FAM13B: variants seen among roughly 807,000 people sequenced by gnomAD.
FAM13B encodes the protein family with sequence similarity 13 member B, also known as protein FAM13B.
A neutral mutation model predicts 117.3 loss-of-function variants in FAM13B; 60 were observed. That is an observed-to-expected ratio of 0.51 (90% CI 0.42 to 0.63). The LOEUF is 0.63. FAM13B is among the 30% of genes least tolerant of loss of function. The pLI is 0.00. For synonymous variants in FAM13B, 332 were observed against 356.1 expected, an observed-to-expected ratio of 0.93 and a Z score of 0.76; for missense variants, 972 against 1,091.9, an observed-to-expected ratio of 0.89 and a Z score of 1.55.
At chr5:138,006,945 GAATGAAATACTCA>G in intron 7 of FAM13B, 32 bp downstream of exon 7, 1 of 1,540,142 alleles carries the variant, frequency 6.5e-7, no homozygotes, top group South Asian at 1.3e-5. Flanking sequence ...TTTACACTTA[GAATGAAATACTCA>G]AAAGCTAAAG....
intron 7 of FAM13B, among the ~76,000 whole-genome samples, chr5:138,000,776 C>A (rs953579791): frequency 6.6e-6 from 1 of 151,894 alleles, no homozygotes; most frequent in Admixed American, 6.6e-5. Flanking sequence ...ATTAAGATTA[C>A]AAAAATTAGT....
intron 7 of FAM13B, among the ~76,000 whole-genome samples, chr5:138,004,774 G>A (rs1486340771): frequency 2.0e-5 from 3 of 152,064 alleles, no homozygotes; most frequent in Non-Finnish European, 2.9e-5. Context: ...CAGCTACACA[G>A]GAGGCTGAGG....
At chr5:137,986,663 G>A (rs1388089351) in intron 9 of FAM13B, among the ~76,000 whole-genome samples, 7 of 152,106 alleles carry the variant, frequency 4.6e-5, no homozygotes, top group East Asian at 1.9e-4. Flanking sequence ...GAAAAGCTTC[G>A]GACCAGAAGT....
At chr5:137,997,976 G>A (rs1231142562) in intron 7 of FAM13B, among the ~76,000 whole-genome samples, 1 of 152,178 alleles carries the variant, frequency 6.6e-6, no homozygotes, top group Non-Finnish European at 1.5e-5. Flanking sequence ...ACAGTAAGAT[G>A]ACTAATCAAA....
chr5:138,039,180 C>T (rs1054384923), intron 1 of FAM13B: 5 of 152,200 alleles, frequency 3.3e-5, no homozygotes, highest in African/African-American at 1.2e-4. Context: ...ATATTTTTTC[C>T]ACAATCAGAA....
chr5:138,047,147 A>G (rs1462053757), intron 1 of FAM13B, among the ~76,000 whole-genome samples: 1 of 152,164 alleles, frequency 6.6e-6, no homozygotes, highest in Non-Finnish European at 1.5e-5. Flanking sequence ...TGGGGGGCAG[A>G]ACAAGCATGT....
chr5:137,956,522 GAA>G lies in FAM13B; in HGVS notation c.1460_1461del (p.Phe487SerfsTer4). 1 of 1,599,586 alleles carries G rather than the reference GAA, an allele frequency of 6.3e-7. No homozygotes were observed. The highest frequency in any genetic ancestry group is 8.5e-7 in the Non-Finnish European group (1 of 1,172,448). ...TGCATTGTTTTGAAATCAATGAGGG[GAA>G]AAGTGATAGGGCATGACGCTAATAA... is the stretch of plus-strand genomic sequence containing the variant. The part of the protein sequence containing the change: ...DKWEASCPIT[F>X]PLIDFKTMHL... On this transcript the variant is annotated frameshift_variant, in exon 14 of 24. Coordinates refer to ENST00000689681, the MANE Select transcript of FAM13B (RefSeq NM_001385994.1). LOFTEE classifies it high-confidence loss of function.
chr5:137,990,635 T>C (rs1263171355), intron 7 of FAM13B, among the ~76,000 whole-genome samples: 1 of 151,428 alleles, frequency 6.6e-6, no homozygotes, highest in Non-Finnish European at 1.5e-5. Flanking sequence ...AAAAGAAAAA[T>C]AATCAACCTA....
chr5:137,983,206 A>C (rs1400566955), intron 10 of FAM13B, among the ~76,000 whole-genome samples: 6 of 121,318 alleles, frequency 4.9e-5, no homozygotes, highest in Admixed American at 1.8e-4. Context: ...AAAAAAAAAA[A>C]AAAAAAAAAC....
At chr5:138,018,084 A>G (rs1264248763) in intron 4 of FAM13B, among the ~76,000 whole-genome samples, 1 of 152,086 alleles carries the variant, frequency 6.6e-6, no homozygotes, top group Non-Finnish European at 1.5e-5. Flanking sequence ...CCTGTTTCTT[A>G]GGCTAATAAA....
chr5:137,997,272 A>G (rs887140910), intron 7 of FAM13B, among the ~76,000 whole-genome samples: 2 of 152,104 alleles, frequency 1.3e-5, no homozygotes, highest in Non-Finnish European at 2.9e-5. Context: ...GTTCAAGGGC[A>G]GCCTGCCCAA....
chr5:137,957,700 G>A (rs1057198922), intron 13 of FAM13B, among the ~76,000 whole-genome samples: 4 of 152,188 alleles, frequency 2.6e-5, no homozygotes, highest in Non-Finnish European at 4.4e-5. Context: ...GTCTGTAACT[G>A]TCGGCTTTCT....
chr5:137,946,342 C>CAAAAAAAAAAAAAAAA, intron 18 of FAM13B, 31 bp from the exon 19 acceptor site: 2 of 919,176 alleles, frequency 2.2e-6, no homozygotes, highest in Non-Finnish European at 1.5e-6. Context: ...TAACAAAATA[C>CAAAAAAAAAAAAAAAA]AAAAAAAAAA....
At chr5:138,051,844 C>T (rs906470621) in intron 1 of FAM13B, 1 of 152,126 alleles carries the variant, frequency 6.6e-6, no homozygotes, top group Non-Finnish European at 1.5e-5. Context: ...TTCATTTTAC[C>T]TAAATGTGGT....
chr5:137,969,456 C>T (rs1220667717), intron 10 of FAM13B, among the ~76,000 whole-genome samples: 2 of 152,220 alleles, frequency 1.3e-5, no homozygotes, highest in African/African-American at 4.8e-5. Context: ...AAAAACCCAT[C>T]TGTACATCAC....
chr5:137,968,216 T>C (rs1372984239), intron 10 of FAM13B, among the ~76,000 whole-genome samples: 1 of 27,364 alleles, frequency 3.7e-5, no homozygotes, highest in Non-Finnish European at 8.0e-5. Context: ...AGCAAGACTG[T>C]CTCAAAAAAA....
chr5:137,939,814 G>A lies in FAM13B; in HGVS notation c.*411C>T, dbSNP rs1347961743. ...TTTTCAGTCATTCTGTAAGAAAAAG[G>A]CAACAGAAGAATTCAGTATGAAGAT... is the stretch of plus-strand genomic sequence containing the variant. On this transcript the variant is annotated 3_prime_UTR_variant, in exon 24 of 24. Transcript: ENST00000689681. 3.3e-6 allele frequency: 4 copies of A among 1,218,556 alleles called. No homozygotes were observed. The highest frequency in any genetic ancestry group is 4.0e-5 in the Admixed American group (1 of 24,896). The allele number at this position is 1,218,556 out of a possible 1,614,324, so 75.5% of individuals were successfully genotyped here.
At chr5:138,012,495 G>A (rs903747202) in intron 4 of FAM13B, among the ~76,000 whole-genome samples, 1 of 152,174 alleles carries the variant, frequency 6.6e-6, no homozygotes, top group Non-Finnish European at 1.5e-5. Context: ...AGCAATATCA[G>A]TATAACTAAA....
chr5:137,948,930 G>T, intron 18 of FAM13B, 25 bp downstream of exon 18: 1 of 1,584,546 alleles, frequency 6.3e-7, no homozygotes, highest in South Asian at 1.1e-5. Flanking sequence ...GGCTAATCTG[G>T]GCAAAAATCA....
Sources: gnomAD v4.1 joint callset for allele counts (sites outside exome capture counted in the v4.1 genomes callset) on GRCh38, gnomAD v4.1.1 for gene constraint, MANE v1.5 for transcripts, NCBI Gene and HGNC (gene_info 2026-07-23, HGNC 2026-07-21) for gene names.